The following PKHD1 variants were observed in gnomAD, a reference collection of about 807,000 sequenced individuals.
The protein encoded by PKHD1 is PKHD1 ciliary IPT domain containing fibrocystin/polyductin.
In PKHD1, 291 loss-of-function variants were observed where a neutral mutation model predicts 412.0. The observed-to-expected ratio is 0.71, with a 90% CI of 0.64 to 0.78. The LOEUF is 0.78. Ranked by LOEUF, PKHD1 falls within the 30% of genes least tolerant of loss-of-function variation. The pLI is 0.00. For synonymous variants in PKHD1, 1,777 were observed against 1,821.5 expected (o/e 0.98, Z 0.62); for missense variants, 4,825 against 4,950.7 (o/e 0.97, Z 0.76).
At chr6:52,010,510 CAATT>C (rs751944609) in intron 34 of PKHD1, 51 bp from the exon 35 acceptor site, 2 of 1,388,220 alleles carry the variant, frequency 1.4e-6, no homozygotes, top group Non-Finnish European at 2.1e-6. Flanking sequence ...TAATGAAATG[CAATT>C]ATTTTTACTC....
At chr6:51,868,991 T>C (rs1227831797) in intron 47 of PKHD1, among the ~76,000 whole-genome samples, 1 of 151,984 alleles carries the variant, frequency 6.6e-6, no homozygotes, top group Non-Finnish European at 1.5e-5. Context: ...TACCATAATA[T>C]ATTATGTACA....
At chr6:51,995,660 A>AT (rs1797633855) in intron 35 of PKHD1, among the ~76,000 whole-genome samples, 1 of 152,104 alleles carries the variant, frequency 6.6e-6, no homozygotes, top group Non-Finnish European at 1.5e-5. Flanking sequence ...GCCTTCACTG[A>AT]TTTTCCATAA....
intron 36 of PKHD1, among the ~76,000 whole-genome samples, chr6:51,935,184 T>C (rs1787273181): frequency 6.6e-6 from 1 of 152,200 alleles, no homozygotes; most frequent in South Asian, 2.1e-4. Flanking sequence ...AAAGTTGGGT[T>C]CTCTTATTGG....
chr6:51,961,991 T>A (rs1792114317), intron 35 of PKHD1, among the ~76,000 whole-genome samples: 1 of 152,116 alleles, frequency 6.6e-6, no homozygotes, highest in African/African-American at 2.4e-5. Flanking sequence ...TCCTCTCAGA[T>A]GACACTTCTG....
chr6:51,965,690 T>C (rs899265757), intron 35 of PKHD1, among the ~76,000 whole-genome samples: 1 of 152,086 alleles, frequency 6.6e-6, no homozygotes, highest in African/African-American at 2.4e-5. Context: ...TGTCAGAGAT[T>C]CCTGCCCAGT....
chr6:52,062,412 T>C (rs1453960118), intron 14 of PKHD1, 107 bp downstream of exon 14: 1 of 1,118,142 alleles, frequency 8.9e-7, no homozygotes, highest in Non-Finnish European at 1.4e-6. Flanking sequence ...AATTGGCTAG[T>C]GTTATAAATT....
intron 46 of PKHD1, among the ~76,000 whole-genome samples, chr6:51,875,026 C>T (rs1276992770): frequency 4.0e-5 from 2 of 50,508 alleles, no homozygotes; most frequent in Non-Finnish European, 6.8e-5. Flanking sequence ...AATCGGGTCA[C>T]TCCCACCCAA....
At chr6:51,755,170 G>A (rs1244285788) in intron 55 of PKHD1, among the ~76,000 whole-genome samples, 2 of 152,066 alleles carry the variant, frequency 1.3e-5, no homozygotes, top group Non-Finnish European at 2.9e-5. Context: ...GAAGATATTC[G>A]ATGACCCCTG....
intron 57 of PKHD1, among the ~76,000 whole-genome samples, chr6:51,751,941 G>A (rs565298982): frequency 2.7e-4 from 41 of 152,290 alleles, no homozygotes; most frequent in Admixed American, 6.5e-4. Context: ...CCCTTCCCCA[G>A]GGGATGATTT....
chr6:52,060,024 G>GA lies in PKHD1; in HGVS notation c.1136dup (p.Phe380LeufsTer8), dbSNP rs1300745978. The GA allele has an allele frequency of 6.2e-7, 1 of 1,605,098 alleles. No individual in the cohort carries two copies. Among genetic ancestry groups the GA allele is most frequent in the Non-Finnish European group, 8.5e-7 (1 of 1,171,754 alleles). On this transcript the variant is annotated frameshift_variant, in exon 15 of 67. Coordinates refer to ENST00000371117, the MANE Select transcript of PKHD1 (RefSeq NM_138694.4). LOFTEE classifies it high-confidence loss of function. ...AATTATTTGTCTCTGGAGCCACAAA[G>GA]AACCCACTGAGCCGTGCTCTGTAAA...
In PKHD1 at chr6:51,912,360, C is replaced by T; in HGVS notation, c.6332+6G>A. 1 of 1,582,234 alleles carries T rather than the reference C, an allele frequency of 6.3e-7. No homozygotes were observed. On this transcript the variant is annotated splice_donor_region_variant and intron_variant, in intron 38 of 66. Coordinates refer to ENST00000371117, the MANE Select transcript of PKHD1 (RefSeq NM_138694.4). Reference sequence around the variant, plus strand: ...ATGTCAACTTAGCCAAGCTGACACTCAGTACCTCAAAGGTGACTTAAGATA... The same window carrying T: ...ATGTCAACTTAGCCAAGCTGACACTTAGTACCTCAAAGGTGACTTAAGATA...
intron 60 of PKHD1, among the ~76,000 whole-genome samples, chr6:51,682,744 G>A (rs1776859557): frequency 6.6e-6 from 1 of 152,002 alleles, no homozygotes; most frequent in African/African-American, 2.4e-5. Flanking sequence ...GGAAAGCCTA[G>A]GGGAGTCTTA....
intron 60 of PKHD1, among the ~76,000 whole-genome samples, chr6:51,714,141 G>A (rs1296726114): frequency 4.6e-5 from 7 of 152,168 alleles, no homozygotes; most frequent in African/African-American, 1.7e-4. Flanking sequence ...GGAGGCCGAG[G>A]TGGGCGAATC....
chr6:51,863,089 A>G (rs1774459589), intron 48 of PKHD1, among the ~76,000 whole-genome samples: 1 of 152,216 alleles, frequency 6.6e-6, no homozygotes, highest in Non-Finnish European at 1.5e-5. Context: ...GATAAATACC[A>G]TTATACCCAT....
At chr6:51,682,024 G>T (rs1170121775) in intron 60 of PKHD1, among the ~76,000 whole-genome samples, 3 of 152,046 alleles carry the variant, frequency 2.0e-5, no homozygotes, top group South Asian at 2.1e-4. Flanking sequence ...GCCAACCAAA[G>T]ATGGACAAGA....
chr6:51,813,532 C>A (rs1765006309), intron 52 of PKHD1, among the ~76,000 whole-genome samples: 1 of 152,088 alleles, frequency 6.6e-6, no homozygotes, highest in Admixed American at 6.6e-5. Context: ...ATGTGAATAT[C>A]TCTACTATTT....
intron 60 of PKHD1, among the ~76,000 whole-genome samples, chr6:51,691,618 A>C (rs1483339506): frequency 6.6e-6 from 1 of 152,176 alleles, no homozygotes; most frequent in Admixed American, 6.5e-5. Flanking sequence ...GAACACACAG[A>C]CACGTAGACA....
At chr6:51,798,310 C>T (rs113958568) in intron 52 of PKHD1, among the ~76,000 whole-genome samples, 3 of 151,122 alleles carry the variant, frequency 2.0e-5, no homozygotes, top group African/African-American at 7.3e-5. Context: ...ACCCAGGAGA[C>T]AGAGTTGCAG....
In PKHD1 at chr6:52,073,456, C is replaced by T. The variant is rs1479126449; in HGVS notation, c.527+7G>A. 5 of 1,574,128 alleles carry T rather than the reference C, an allele frequency of 3.2e-6. No homozygotes were observed. The highest frequency in any genetic ancestry group is 2.6e-6 in the Non-Finnish European group (3 of 1,143,812). ...CTAGTTAAACACAAAAACAAACACA[C>T]ACTTACCTATCAATGTACTCAGCAT... On this transcript the variant is annotated splice_region_variant and intron_variant, in intron 7 of 66. Transcript: ENST00000371117.
Sources: allele counts gnomAD v4.1 joint callset (sites outside exome capture counted in the v4.1 genomes callset), GRCh38; gene constraint gnomAD v4.1.1; transcripts MANE v1.5; gene names NCBI Gene and HGNC (gene_info 2026-07-23, HGNC 2026-07-21).